The following KCNJ16 variants were observed in gnomAD, a reference collection of about 807,000 sequenced individuals.
KCNJ16 encodes the protein inward rectifier potassium channel 16.
KCNJ16 carries 15 observed loss-of-function variants against 18.5 expected under a neutral mutation model. That is an observed-to-expected ratio of 0.81 (90% CI 0.54 to 1.25). The LOEUF is 1.25. Among genes scored for constraint, KCNJ16 ranks in the 50% most tolerant of loss-of-function variants. The probability of loss-of-function intolerance (pLI) is 0.00; values close to 1 mark genes in which losing one functional copy is unlikely to be tolerated. For synonymous variants in KCNJ16, 174 were observed against 186.5 expected (o/e 0.93, Z 0.55); for missense variants, 523 against 525.7 (o/e 0.99, Z 0.05).
intron 1 of KCNJ16, among the ~76,000 whole-genome samples, chr17:70,079,261 T>G (rs1466645664): frequency 1.3e-5 from 2 of 152,236 alleles, no homozygotes; most frequent in Non-Finnish European, 2.9e-5. Context: ...TGTTACATTT[T>G]TGAAGCAGAA....
Position 70,090,511 on chromosome 17 carries a change from T to C in KCNJ16, c.-299-10147T>C, listed in dbSNP as rs147700783. 7.9e-5 allele frequency among the ~76,000 whole-genome samples: 12 copies of C among 152,334 alleles called. No homozygotes were observed. The East Asian group carries it at 2.3e-3, about 29-fold the overall frequency. ...ACTTACAGAATGTGTTGCCAATTCA[T>C]TGGGTGCATTTAGTAAGTTCATACG... is the stretch of plus-strand genomic sequence containing the variant. On this transcript the variant is annotated intron_variant, in intron 1 of 3. Coordinates refer to ENST00000392671, the MANE Select transcript of KCNJ16 (RefSeq NM_170741.4).
intron 1 of KCNJ16, among the ~76,000 whole-genome samples, chr17:70,099,979 A>G (rs996667032): frequency 3.9e-5 from 6 of 152,228 alleles, no homozygotes; most frequent in Non-Finnish European, 8.8e-5. Context: ...AGGGATTCAA[A>G]TAACTTTAGA....
Position 70,095,976 on chromosome 17 carries a change from G to A in KCNJ16, c.-299-4682G>A, listed in dbSNP as rs533473923. The stretch of plus-strand genomic sequence containing the variant: ...CGGCTCACTGCAAGCTCCGCCTCCC[G>A]GGTTCACACCATTCTCCTGCCTCAG... On this transcript the variant is annotated intron_variant, in intron 1 of 3. Transcript: ENST00000392671. Among the ~76,000 whole-genome samples the A allele has an allele frequency of 1.2e-4, 17 of 147,108 alleles. No homozygotes were observed. The East Asian group carries it at 2.7e-3, about 23-fold the overall frequency.
rs182107959 is a variant in KCNJ16 at position 70,090,562 on chromosome 17, T to A, written c.-299-10096T>A. ...ATAGACATTGAAAAACCCAAGAGTATCATTTTGGATGATCAGGCTCTATAG... is the reference window on the plus strand; with the variant it reads ...ATAGACATTGAAAAACCCAAGAGTAACATTTTGGATGATCAGGCTCTATAG... On this transcript the variant is annotated intron_variant, in intron 1 of 3. Transcript: ENST00000392671. Among the ~76,000 whole-genome samples the A allele has an allele frequency of 7.9e-5, 12 of 152,274 alleles. No homozygotes were observed. The East Asian group carries it at 1.9e-3, about 24-fold the overall frequency.
At chr17:70,080,411 C>G (rs1235671062) in intron 1 of KCNJ16, among the ~76,000 whole-genome samples, 2 of 152,066 alleles carry the variant, frequency 1.3e-5, no homozygotes, top group Non-Finnish European at 2.9e-5. Context: ...GCAGGTATGA[C>G]TATATATCCA....
chr17:70,091,348 C>T (rs2072082466), intron 1 of KCNJ16, among the ~76,000 whole-genome samples: 1 of 152,170 alleles, frequency 6.6e-6, no homozygotes, highest in Admixed American at 6.5e-5. Flanking sequence ...AAATAGCTTA[C>T]TAACTTCCTG....
chr17:70,099,622 T>C (rs1473642826), intron 1 of KCNJ16, among the ~76,000 whole-genome samples: 3 of 152,110 alleles, frequency 2.0e-5, no homozygotes, highest in South Asian at 2.1e-4. Context: ...TGTTAATGCC[T>C]TTCTCATGAT....
chr17:70,097,139 G>C (rs2072414165), intron 1 of KCNJ16, among the ~76,000 whole-genome samples: 1 of 152,136 alleles, frequency 6.6e-6, no homozygotes, highest in Non-Finnish European at 1.5e-5. Flanking sequence ...CAGATACAGA[G>C]TTAGCCGTTC....
chr17:70,112,909 C>G (rs1196096377), intron 2 of KCNJ16, among the ~76,000 whole-genome samples: 1 of 152,136 alleles, frequency 6.6e-6, no homozygotes, highest in Non-Finnish European at 1.5e-5. Flanking sequence ...AATGCAAGCA[C>G]CACTCAAATT....
intron 2 of KCNJ16, among the ~76,000 whole-genome samples, chr17:70,113,260 C>A (rs956923633): frequency 2.0e-5 from 3 of 152,118 alleles, no homozygotes; most frequent in East Asian, 3.9e-4. Context: ...AAGTCTTAAC[C>A]CTAGTCACCT....
At chr17:70,112,782 G>A (rs1011561711) in intron 2 of KCNJ16, among the ~76,000 whole-genome samples, 2 of 152,068 alleles carry the variant, frequency 1.3e-5, no homozygotes, top group Non-Finnish European at 2.9e-5. Context: ...AATTAAATCA[G>A]TATCTAAAAT....
intron 1 of KCNJ16, among the ~76,000 whole-genome samples, chr17:70,092,495 TAG>T (rs2072135810): frequency 2.8e-5 from 1 of 35,844 alleles, no homozygotes; most frequent in Non-Finnish European, 5.7e-5. Context: ...AACCAATAGA[TAG>T]ATAGATAGAT....
intron 2 of KCNJ16, among the ~76,000 whole-genome samples, chr17:70,103,324 A>AAACACACACACATAT (rs1555589208): frequency 7.1e-5 from 8 of 113,348 alleles, no homozygotes; most frequent in Non-Finnish European, 1.4e-4. Flanking sequence ...ATATATATAC[A>AAACACACACACATAT]CACACATATA....
At chr17:70,109,485 A>T (rs991135591) in intron 2 of KCNJ16, among the ~76,000 whole-genome samples, 1 of 152,198 alleles carries the variant, frequency 6.6e-6, no homozygotes, top group South Asian at 2.1e-4. Flanking sequence ...CAGACTTCTT[A>T]GCTACATAAA....
chr17:70,107,043 T>G lies in KCNJ16; in HGVS notation c.-191+6277T>G, dbSNP rs902865263. Among the ~76,000 whole-genome samples, 5 of 152,142 alleles carry G rather than the reference T, an allele frequency of 3.3e-5. No homozygotes were observed. In the South Asian group the frequency reaches 1.0e-3, roughly 32 times the overall value. On this transcript the variant is annotated intron_variant, in intron 2 of 3. Transcript: ENST00000392671. ...AATCAGCCAAAGCAGAAGTTCCTATTTTGCTTGAGAGCTTAGGCTTCAGGC... is the reference window on the plus strand; with the variant it reads ...AATCAGCCAAAGCAGAAGTTCCTATGTTGCTTGAGAGCTTAGGCTTCAGGC...
intron 2 of KCNJ16, among the ~76,000 whole-genome samples, chr17:70,121,499 G>C (rs974973297): frequency 6.6e-6 from 1 of 152,194 alleles, no homozygotes; most frequent in African/African-American, 2.4e-5. Flanking sequence ...GGTGAGAAGA[G>C]TAGTAGGAAA....
chr17:70,093,258 T>C (rs2072206160), intron 1 of KCNJ16, among the ~76,000 whole-genome samples: 1 of 152,190 alleles, frequency 6.6e-6, no homozygotes, highest in Non-Finnish European at 1.5e-5. Flanking sequence ...TTCTCACAGT[T>C]CAAGAGGCTA....
At chr17:70,094,402 T>C (rs1386112325) in intron 1 of KCNJ16, among the ~76,000 whole-genome samples, 1 of 152,188 alleles carries the variant, frequency 6.6e-6, no homozygotes, top group African/African-American at 2.4e-5. Flanking sequence ...ATTGTATCTT[T>C]CTACAAGAGA....
chr17:70,099,539 G>A (rs564126925), intron 1 of KCNJ16, among the ~76,000 whole-genome samples: 2 of 152,126 alleles, frequency 1.3e-5, no homozygotes, highest in East Asian at 3.9e-4. Flanking sequence ...CTTAGTCCAC[G>A]AAAACAGTCA....
Sources: gnomAD v4.1 joint callset for allele counts (sites outside exome capture counted in the v4.1 genomes callset) on GRCh38, gnomAD v4.1.1 for gene constraint, MANE v1.5 for transcripts, NCBI Gene and HGNC (gene_info 2026-07-23, HGNC 2026-07-21) for gene names.